Variants in SGK3 observed in about 807,000 individuals in gnomAD.
The protein encoded by SGK3 is serine/threonine-protein kinase Sgk3.
A neutral mutation model predicts 68.5 loss-of-function variants in SGK3; 47 were observed. The ratio of observed to expected loss-of-function variants is 0.69; its 90% CI spans 0.54 to 0.87. The LOEUF (loss-of-function observed/expected upper bound fraction) is 0.87, where lower values mean the gene tolerates loss of function less well. Among genes scored for constraint, SGK3 ranks in the 40% least tolerant of loss-of-function variants. The pLI, the probability that SGK3 is intolerant of heterozygous loss-of-function variation, is 0.00. For synonymous variants in SGK3, 181 were observed against 189.1 expected (o/e 0.96, Z 0.35); for missense variants, 479 against 575.5 (o/e 0.83, Z 1.72).
chr8:66,775,087 G>A (rs1806643538), intron 1 of SGK3: 1 of 152,416 alleles, frequency 6.6e-6, no homozygotes, highest in South Asian at 2.1e-4. Context: ...CTCCTTCGGG[G>A]GTGTGGCCGA....
In SGK3 at chr8:66,744,525, T is replaced by G. The variant is rs1260645733; in HGVS notation, c.-122+31692T>G. ...TATATATATATATATATATATTTTT[T>G]TTTTTTTTTTTTTTTTTTTTAGATG... On this transcript the variant is annotated intron_variant, in intron 1 of 16. Coordinates refer to ENST00000521198, the MANE Select transcript of SGK3 (RefSeq NM_001033578.3). Among the ~76,000 whole-genome samples the G allele has an allele frequency of 1.6e-4, 16 of 102,532 alleles. 1 individual carries two copies. Among genetic ancestry groups the G allele is most frequent in the African/African-American group, 5.2e-4 (13 of 24,928 alleles). 67.3% of individuals were successfully genotyped at this position (102,532 alleles called of 152,430 possible).
intron 1 of SGK3, among the ~76,000 whole-genome samples, chr8:66,782,431 C>A (rs978986259): frequency 6.6e-6 from 1 of 151,934 alleles, no homozygotes; most frequent in Non-Finnish European, 1.5e-5. Context: ...TTGTCAATAT[C>A]CCCCACCAGA....
At chr8:66,729,317 G>A (rs908361896) in intron 1 of SGK3, among the ~76,000 whole-genome samples, 2 of 151,846 alleles carry the variant, frequency 1.3e-5, no homozygotes, top group African/African-American at 2.4e-5. Context: ...TTAGCCAGGC[G>A]TGGTGGCGGG....
chr8:66,726,056 G>A (rs957798978), intron 1 of SGK3, among the ~76,000 whole-genome samples: 10 of 152,004 alleles, frequency 6.6e-5, no homozygotes, highest in African/African-American at 2.4e-4. Flanking sequence ...TTAGATAATT[G>A]CGCCCTTTTC....
intron 4 of SGK3, among the ~76,000 whole-genome samples, chr8:66,812,765 T>A (rs1271857534): frequency 6.6e-6 from 1 of 152,094 alleles, no homozygotes; most frequent in Non-Finnish European, 1.5e-5. Context: ...ATTGTTACTA[T>A]CCACATTTTA....
At chr8:66,773,688 A>G (rs1335137242) in intron 1 of SGK3, among the ~76,000 whole-genome samples, 2 of 152,190 alleles carry the variant, frequency 1.3e-5, no homozygotes, top group South Asian at 2.1e-4. Context: ...TGACGTGATA[A>G]TGGAGATGCC....
At chr8:66,834,136 T>A (rs371383585) in intron 8 of SGK3, among the ~76,000 whole-genome samples, 2 of 152,256 alleles carry the variant, frequency 1.3e-5, no homozygotes. Flanking sequence ...TACAGGAATG[T>A]TTATAGCATC....
intron 1 of SGK3, among the ~76,000 whole-genome samples, chr8:66,779,169 G>A (rs915475141): frequency 2.6e-5 from 4 of 152,128 alleles, no homozygotes; most frequent in South Asian, 2.1e-4. Context: ...TGGTAGATAT[G>A]AGATACTTGA....
intron 4 of SGK3, among the ~76,000 whole-genome samples, chr8:66,804,939 C>G (rs1319180832): frequency 6.6e-6 from 1 of 152,034 alleles, no homozygotes; most frequent in South Asian, 2.1e-4. Context: ...ATTAGCTGGG[C>G]ATGGTGGCGT....
chr8:66,849,072 G>C (rs1055437926), intron 15 of SGK3, among the ~76,000 whole-genome samples: 3 of 152,134 alleles, frequency 2.0e-5, no homozygotes, highest in African/African-American at 7.2e-5. Flanking sequence ...CAAACTTCAA[G>C]TGTTGCAGTG....
chr8:66,758,420 G>A (rs567416987), intron 1 of SGK3, among the ~76,000 whole-genome samples: 48 of 151,988 alleles, frequency 3.2e-4, no homozygotes, highest in Non-Finnish European at 5.4e-4. Context: ...TTAGTAATTA[G>A]CATTATATTA....
chr8:66,828,663 A>G lies in SGK3; in HGVS notation c.427A>G (p.Thr143Ala), dbSNP rs756552373. 27 of 1,613,856 alleles carry G rather than the reference A, an allele frequency of 1.7e-5. No individual in the cohort carries two copies. The highest frequency in any genetic ancestry group is 2.1e-5 in the Non-Finnish European group (25 of 1,180,002). Residue 143 changes from threonine (T) to alanine (A), a missense_variant, in exon 7 of 17, where the codon ACC becomes GCC. Transcript: ENST00000521198. The part of the protein sequence containing the change: ...DERSSQKLHS[T>A]SQNINLGPSG... Reference sequence around the variant, plus strand: ...TTCCCCACCTTCACAGCTACACTCTACCTCACAGAACATCAACCTGGGACC... The same window carrying G: ...TTCCCCACCTTCACAGCTACACTCTGCCTCACAGAACATCAACCTGGGACC...
intron 1 of SGK3, among the ~76,000 whole-genome samples, chr8:66,746,231 G>A (rs180770244): frequency 6.6e-6 from 1 of 152,152 alleles, no homozygotes; most frequent in Non-Finnish European, 1.5e-5. Context: ...TCCAACCTCT[G>A]CCTGTTCTCC....
chr8:66,727,087 C>T (rs1355935840), intron 1 of SGK3, among the ~76,000 whole-genome samples: 1 of 151,998 alleles, frequency 6.6e-6, no homozygotes, highest in Non-Finnish European at 1.5e-5. Context: ...GATGATAGAA[C>T]ATGTTAGATC....
At chr8:66,725,271 G>A (rs1259893385) in intron 1 of SGK3, among the ~76,000 whole-genome samples, 1 of 151,912 alleles carries the variant, frequency 6.6e-6, no homozygotes, top group Non-Finnish European at 1.5e-5. Flanking sequence ...CACAGTGGTG[G>A]GCGCCTGTAA....
intron 1 of SGK3, among the ~76,000 whole-genome samples, chr8:66,726,546 T>A (rs1309036879): frequency 6.6e-6 from 1 of 152,154 alleles, no homozygotes; most frequent in African/African-American, 2.4e-5. Flanking sequence ...GAAATCATAT[T>A]AATGTTTTAA....
chr8:66,716,533 C>T (rs1169992600), intron 1 of SGK3, among the ~76,000 whole-genome samples: 2 of 122,956 alleles, frequency 1.6e-5, no homozygotes, highest in African/African-American at 3.3e-5. Flanking sequence ...TCTTCTATTA[C>T]GCTAAAGCAA....
chr8:66,849,593 A>ATTT (rs755457958), intron 15 of SGK3, among the ~76,000 whole-genome samples: 5 of 122,812 alleles, frequency 4.1e-5, no homozygotes, highest in African/African-American at 1.2e-4. Flanking sequence ...TTGGGGGAAT[A>ATTT]TTTTTTTTTT....
chr8:66,724,378 C>T (rs1473026940), intron 1 of SGK3, among the ~76,000 whole-genome samples: 2 of 152,306 alleles, frequency 1.3e-5, no homozygotes, highest in African/African-American at 4.8e-5. Context: ...GAGTTTGAGA[C>T]CAGCCTGGCC....
Sources: allele counts gnomAD v4.1 joint callset (sites outside exome capture counted in the v4.1 genomes callset), GRCh38; gene constraint gnomAD v4.1.1; transcripts MANE v1.5; gene names NCBI Gene and HGNC (gene_info 2026-07-23, HGNC 2026-07-21).